SIM1: variants seen among roughly 807,000 people sequenced by gnomAD.
SIM1 encodes SIM bHLH transcription factor 1, also known as single-minded homolog 1.
SIM1 carries 18 observed loss-of-function variants against 78.2 expected under a neutral mutation model. The observed-to-expected ratio is 0.23, with a 90% CI of 0.16 to 0.34. The LOEUF is 0.34. Ranked by LOEUF, SIM1 falls within the 10% of genes least tolerant of loss-of-function variation. The pLI, the probability that SIM1 is intolerant of heterozygous loss-of-function variation, is 1.00. For missense variants in SIM1, 939 were observed against 975.1 expected, an observed-to-expected ratio of 0.96 and a Z score of 0.49; for synonymous variants, 417 against 385.2, an observed-to-expected ratio of 1.08 and a Z score of -0.97.
intron 10 of SIM1, among the ~76,000 whole-genome samples, chr6:100,402,565 C>CTTTTT (rs1279941987): frequency 9.4e-6 from 1 of 106,172 alleles, no homozygotes; most frequent in Non-Finnish European, 1.9e-5. Flanking sequence ...CTTTTCTTTT[C>CTTTTT]TCTTTTTTTT....
rs775905258 is a variant in SIM1 at position 100,448,138 on chromosome 6, C to T, written c.850+8G>A. The T allele has an allele frequency of 4.4e-6, 7 of 1,607,202 alleles. No homozygotes were observed. The highest frequency in any genetic ancestry group is 1.1e-5 in the South Asian group (1 of 90,516). Reference sequence around the variant, plus strand: ...GTTGCTAGGGTACGGGGCAGGGTGGCGCCTTACGCAAATGGTGCGCGCAGC... The same window carrying T: ...GTTGCTAGGGTACGGGGCAGGGTGGTGCCTTACGCAAATGGTGCGCGCAGC... On this transcript the variant is annotated splice_region_variant and intron_variant, in intron 8 of 11. Coordinates refer to ENST00000369208, the MANE Select transcript of SIM1 (RefSeq NM_005068.3).
At chr6:100,422,525 A>G (rs1004742347) in intron 9 of SIM1, among the ~76,000 whole-genome samples, 1 of 152,216 alleles carries the variant, frequency 6.6e-6, no homozygotes, top group Non-Finnish European at 1.5e-5. Context: ...AATTAATAAA[A>G]TCATATATGT....
In SIM1 at chr6:100,389,375, T is replaced by C. The variant is rs1441381662; in HGVS notation, c.*986A>G. On this transcript the variant is annotated 3_prime_UTR_variant, in exon 12 of 12. Transcript: ENST00000369208. The stretch of plus-strand genomic sequence containing the variant: ...TGAAACGTTTTCAAACACTTAACAC[T>C]GCTGTCATGTGGCACTTCACTGGTT... 2.7e-6 allele frequency: 1 copy of C among 375,436 alleles called. No homozygotes were observed. The highest frequency in any genetic ancestry group is 4.5e-5 in the Admixed American group (1 of 22,082). The allele number at this position is 375,436 out of a possible 1,614,324, so 23.3% of individuals were successfully genotyped here. A position where few individuals can be genotyped will look rare whatever the true frequency, so the allele number is the denominator to read the frequency against.
intron 10 of SIM1, among the ~76,000 whole-genome samples, chr6:100,401,306 G>A (rs954887781): frequency 6.6e-6 from 1 of 152,104 alleles, no homozygotes; most frequent in African/African-American, 2.4e-5. Context: ...AAAGAGGCAT[G>A]AAAATTAAAT....
In SIM1 at chr6:100,450,299, C is replaced by G; in HGVS notation, c.316G>C (p.Glu106Gln). Residue 106 changes from glutamate (E) to glutamine (Q), a missense_variant, in exon 4 of 12, where the codon GAG (glutamate) becomes CAG (glutamine). By Grantham distance (29) the Glu-to-Gln change is conservative. This residue lies in a region of SIM1 where 9 missense variants were observed against 28.5 expected (regional missense o/e 0.32). Coordinates refer to ENST00000369208, the MANE Select transcript of SIM1 (RefSeq NM_005068.3). The stretch of plus-strand genomic sequence containing the variant: ...AGACCCAAGTGGACTGAGGCTGTCT[C>G]TGAGATGTACATGATCTTCCCATCT... ...APDGKIMYISETASVHLGLSQ... is the reference protein window; with the variant it reads ...APDGKIMYISQTASVHLGLSQ... 1 of 1,614,122 alleles carries G rather than the reference C, an allele frequency of 6.2e-7. No individual in the cohort carries two copies. Among genetic ancestry groups the G allele is most frequent in the Non-Finnish European group, 8.5e-7 (1 of 1,180,030 alleles).
chr6:100,424,160 A>T (rs944302678), intron 9 of SIM1, among the ~76,000 whole-genome samples: 1 of 148,534 alleles, frequency 6.7e-6, no homozygotes, highest in Non-Finnish European at 1.5e-5. Flanking sequence ...CTTCAAATTA[A>T]ATAGGTTTAA....
intron 9 of SIM1, among the ~76,000 whole-genome samples, chr6:100,432,473 C>A (rs1208428957): frequency 6.6e-6 from 1 of 152,004 alleles, no homozygotes; most frequent in African/African-American, 2.4e-5. Context: ...TGAAAGGGGA[C>A]CACAGAGAAG....
At chr6:100,455,172 G>C (rs976358470) in intron 2 of SIM1, among the ~76,000 whole-genome samples, 1 of 152,210 alleles carries the variant, frequency 6.6e-6, no homozygotes, top group African/African-American at 2.4e-5. Context: ...AGGAGGAACC[G>C]TGAGCGCCCC....
intron 10 of SIM1, among the ~76,000 whole-genome samples, chr6:100,405,887 G>GT (rs1309436719): frequency 6.6e-6 from 1 of 152,142 alleles, no homozygotes; most frequent in Admixed American, 6.5e-5. Flanking sequence ...TTCCTTCAGT[G>GT]TAACTCTATA....
At chr6:100,430,972 A>T (rs1337754517) in intron 9 of SIM1, among the ~76,000 whole-genome samples, 3 of 152,204 alleles carry the variant, frequency 2.0e-5, no homozygotes, top group Non-Finnish European at 4.4e-5. Flanking sequence ...CCAAGGCCAC[A>T]GAGTCCCCAA....
At position 100,390,233 on chromosome 6, in the gene SIM1, G is replaced by T. The variant is rs1029968837; in HGVS notation, c.*128C>A. ...GTTTTCTTTGATTTTATAGGAACACGTATCAAATACCCAGTAACTTAAGTT... is the reference window on the plus strand; with the variant it reads ...GTTTTCTTTGATTTTATAGGAACACTTATCAAATACCCAGTAACTTAAGTT... On this transcript the variant is annotated 3_prime_UTR_variant, in exon 12 of 12. Coordinates refer to ENST00000369208, the MANE Select transcript of SIM1 (RefSeq NM_005068.3). 7.3e-5 allele frequency: 73 copies of T among 1,002,100 alleles called. No homozygotes were observed. Among genetic ancestry groups the T allele is most frequent in the Non-Finnish European group, 9.6e-5 (66 of 686,076 alleles). 62.1% of individuals were successfully genotyped at this position (1,002,100 alleles called of 1,614,324 possible).
chr6:100,437,603 A>G (rs533697489), intron 9 of SIM1: 16 of 152,174 alleles, frequency 1.1e-4, no homozygotes, highest in Admixed American at 2.0e-4. Flanking sequence ...TTTATTACTA[A>G]AGCTGGGTGA....
At chr6:100,405,086 T>C (rs186930834) in intron 10 of SIM1, among the ~76,000 whole-genome samples, 12 of 152,036 alleles carry the variant, frequency 7.9e-5, no homozygotes, top group Non-Finnish European at 1.3e-4. Context: ...AAAATAAATC[T>C]ATATAATACA....
chr6:100,425,423 G>T (rs1011036312), intron 9 of SIM1, among the ~76,000 whole-genome samples: 27 of 152,006 alleles, frequency 1.8e-4, no homozygotes, highest in Non-Finnish European at 2.8e-4. Flanking sequence ...TAGCAAATGG[G>T]GACCTTATGC....
intron 10 of SIM1, among the ~76,000 whole-genome samples, chr6:100,413,384 T>C (rs751828874): frequency 5.3e-5 from 8 of 152,326 alleles, no homozygotes; most frequent in South Asian, 2.1e-4. Context: ...CTCATGAATC[T>C]TATCTTTACT....
intron 9 of SIM1, among the ~76,000 whole-genome samples, chr6:100,431,639 A>T (rs1265993521): frequency 6.6e-6 from 1 of 152,160 alleles, no homozygotes; most frequent in African/African-American, 2.4e-5. Flanking sequence ...CATTGTCTCT[A>T]TCCTTGAAGT....
Position 100,464,704 on chromosome 6 carries a change from T to A in SIM1, c.-558A>T, listed in dbSNP as rs1294764954. The A allele has an allele frequency of 2.0e-5, 3 of 152,064 alleles. No individual in the cohort carries two copies. The highest frequency in any genetic ancestry group is 4.4e-5 in the Non-Finnish European group (3 of 68,080). The allele number at this position is 152,064 out of a possible 1,614,324, so 9.4% of individuals were successfully genotyped here. A position where few individuals can be genotyped will look rare whatever the true frequency, so the allele number is the denominator to read the frequency against. Reference sequence around the variant, plus strand: ...GTCCAACCCAGCGACACCGCCGGCCTCTCCGCTTCCCACCGGCAGAGAGGA... The same window carrying A: ...GTCCAACCCAGCGACACCGCCGGCCACTCCGCTTCCCACCGGCAGAGAGGA... On this transcript the variant is annotated 5_prime_UTR_variant, in exon 1 of 12. Coordinates refer to ENST00000369208, the MANE Select transcript of SIM1 (RefSeq NM_005068.3).
intron 9 of SIM1, among the ~76,000 whole-genome samples, chr6:100,435,180 A>AC (rs34134894): frequency 6.6e-6 from 1 of 152,110 alleles, no homozygotes; most frequent in East Asian, 1.9e-4. Flanking sequence ...CTTTGTGGAG[A>AC]CCCCATATTA....
chr6:100,394,257 C>T lies in SIM1; in HGVS notation c.1168-368G>A, dbSNP rs575249037. Among the ~76,000 whole-genome samples the T allele has an allele frequency of 2.0e-5, 3 of 152,290 alleles. No individual in the cohort carries two copies. In the East Asian group the frequency reaches 5.8e-4, roughly 29 times the overall value. On this transcript the variant is annotated intron_variant, in intron 10 of 11. Transcript: ENST00000369208. ...TATCCCCAGTTTAGGGATAGAGAAGCTAACGCTCAGAGAGAGAAAGTGATT... is the reference window on the plus strand; with the variant it reads ...TATCCCCAGTTTAGGGATAGAGAAGTTAACGCTCAGAGAGAGAAAGTGATT...
Sources: gnomAD v4.1 joint callset for allele counts (sites outside exome capture counted in the v4.1 genomes callset) on GRCh38, gnomAD v4.1.1 for gene constraint, gnomAD v4.1.1 regional missense constraint, MANE v1.5 for transcripts, NCBI Gene and HGNC (gene_info 2026-07-23, HGNC 2026-07-21) for gene names.